LEMD1: variants seen among roughly 807,000 people sequenced by gnomAD.
LEMD1 encodes LEM domain-containing protein 1.
A neutral mutation model predicts 17.4 loss-of-function variants in LEMD1; 18 were observed. That is an observed-to-expected ratio of 1.04 (90% CI 0.72 to 1.54). The LOEUF is 1.54. LEMD1 is among the 40% of genes most tolerant of loss of function. The pLI, the probability that LEMD1 is intolerant of heterozygous loss-of-function variation, is 0.00. For synonymous variants in LEMD1, 88 were observed against 77.8 expected, an observed-to-expected ratio of 1.13 and a Z score of -0.69; for missense variants, 195 against 210.4, an observed-to-expected ratio of 0.93 and a Z score of 0.45.
chr1:205,448,289 C>T lies in LEMD1; in HGVS notation c.-39+1579G>A. On this transcript the variant is annotated intron_variant, in intron 1 of 3. Coordinates refer to the LEMD1 transcript ENST00000367154. This position sits in a 1 kb window ranked among gnomAD's most constrained non-coding sequence, Gnocchi z 4.7. The stretch of plus-strand genomic sequence containing the variant: ...GAACCTGGTCCCATGGGAGGTGCAG[C>T]TGCGCAGGAGAAGGAGCTCGCCCCT... The T allele has an allele frequency of 1.9e-6, 1 of 523,800 alleles. No homozygotes were observed. The highest frequency in any genetic ancestry group is 4.0e-6 in the Non-Finnish European group (1 of 251,306). 32.4% of individuals were successfully genotyped at this position (523,800 alleles called of 1,614,324 possible).
In LEMD1 at chr1:205,448,851, G is replaced by T. The variant is rs1666447957; in HGVS notation, c.-39+1017C>A. ...TTCTAGTCCAGCCACTGGAAGCACA[G>T]AGGGCAAAGGAGGGTCTGGGTAAAG... On this transcript the variant is annotated intron_variant, in intron 1 of 3. Coordinates refer to the LEMD1 transcript ENST00000367154. The surrounding 1 kb of genome is among the most constrained non-coding windows in gnomAD (Gnocchi z 4.7). 6.6e-6 allele frequency among the ~76,000 whole-genome samples: 1 copy of T among 152,158 alleles called. No individual in the cohort carries two copies. The highest frequency in any genetic ancestry group is 6.5e-5 in the Admixed American group (1 of 15,286).
intron 1 of LEMD1, among the ~76,000 whole-genome samples, chr1:205,427,831 G>A (rs1234953995): frequency 6.6e-6 from 1 of 152,262 alleles, no homozygotes; most frequent in Non-Finnish European, 1.5e-5. Context: ...GTCTGTACAT[G>A]CAGGAGGATC....
chr1:205,411,671 A>AAAG (rs952549403), intron 4 of LEMD1, among the ~76,000 whole-genome samples: 11 of 146,168 alleles, frequency 7.5e-5, no homozygotes, highest in Admixed American at 2.7e-4. Flanking sequence ...AGAAAGAAAG[A>AAAG]AAAGAAAGAA....
chr1:205,444,362 C>T (rs1666348590), intron 1 of LEMD1, among the ~76,000 whole-genome samples: 1 of 152,028 alleles, frequency 6.6e-6, no homozygotes, highest in African/African-American at 2.4e-5. Context: ...GGTCTGGGGG[C>T]ACAGACGATG....
chr1:205,421,042 G>A (rs1296906587), intron 1 of LEMD1, among the ~76,000 whole-genome samples: 1 of 150,344 alleles, frequency 6.7e-6, no homozygotes, highest in African/African-American at 2.4e-5. Context: ...TTCAGTTATT[G>A]CAAACAGTAG....
At chr1:205,433,179 T>C (rs1666151243) in intron 1 of LEMD1, among the ~76,000 whole-genome samples, 1 of 152,164 alleles carries the variant, frequency 6.6e-6, no homozygotes. Flanking sequence ...TATTATTAAA[T>C]TGGCCAGGCA....
chr1:205,394,369 TA>T (rs1227411022), intron 4 of LEMD1, among the ~76,000 whole-genome samples: 3 of 33,306 alleles, frequency 9.0e-5, no homozygotes, highest in African/African-American at 3.3e-4. Flanking sequence ...TTTGTTTATT[TA>T]ATTAATTAAT....
At chr1:205,424,657 A>T (rs962116695), upstream of LEMD1, among the ~76,000 whole-genome samples, 2 of 152,194 alleles carry the variant, frequency 1.3e-5, no homozygotes, top group East Asian at 1.9e-4. Flanking sequence ...TGAAGCTGAG[A>T]CTTCGAGGAT....
intron 4 of LEMD1, among the ~76,000 whole-genome samples, chr1:205,392,583 A>G (rs1251251016): frequency 6.6e-6 from 1 of 152,012 alleles, no homozygotes; most frequent in African/African-American, 2.4e-5. Context: ...CAACCAAAAT[A>G]TGGACTCAAT....
chr1:205,396,426 C>T (rs1664594405), intron 4 of LEMD1, among the ~76,000 whole-genome samples: 1 of 152,138 alleles, frequency 6.6e-6, no homozygotes, highest in Non-Finnish European at 1.5e-5. Context: ...ATTCAGCAGT[C>T]CTACTTGTAG....
chr1:205,418,239 T>G (rs1665787871), intron 3 of LEMD1, among the ~76,000 whole-genome samples: 1 of 152,210 alleles, frequency 6.6e-6, no homozygotes, highest in Non-Finnish European at 1.5e-5. Context: ...GTCATTCTAC[T>G]GTGGCTCATA....
intron 4 of LEMD1, among the ~76,000 whole-genome samples, chr1:205,410,500 C>T (rs1240865607): frequency 6.6e-6 from 1 of 152,046 alleles, no homozygotes; most frequent in Non-Finnish European, 1.5e-5. Context: ...GTATATGGTA[C>T]AGAATAGGAA....
At chr1:205,392,395 A>G (rs1664385480) in intron 4 of LEMD1, among the ~76,000 whole-genome samples, 1 of 150,476 alleles carries the variant, frequency 6.6e-6, no homozygotes, top group Non-Finnish European at 1.5e-5. Flanking sequence ...TAAAAAAATT[A>G]GCCAGGCATG....
At chr1:205,423,745 C>T (rs952797096), upstream of LEMD1, among the ~76,000 whole-genome samples, 4 of 152,196 alleles carry the variant, frequency 2.6e-5, no homozygotes, top group African/African-American at 9.7e-5. Context: ...ACACCATCTC[C>T]CTCAGTTTTA....
At chr1:205,416,997 A>G (rs1035511805) in intron 3 of LEMD1, among the ~76,000 whole-genome samples, 8 of 152,186 alleles carry the variant, frequency 5.3e-5, no homozygotes, top group East Asian at 1.9e-4. Flanking sequence ...CACCGCCACT[A>G]CAAGCCCATT....
At chr1:205,389,134 C>T (rs1360843088) in intron 4 of LEMD1, among the ~76,000 whole-genome samples, 2 of 147,502 alleles carry the variant, frequency 1.4e-5, no homozygotes, top group South Asian at 2.2e-4. Flanking sequence ...CTGCAACCTC[C>T]GCTTCCCGGG....
At position 205,381,846 on chromosome 1, in the gene LEMD1, T is replaced by C. The variant is rs746876121; in HGVS notation, c.358A>G (p.Arg120Gly). ...TATGTGATTCTGGTGCTTGGTGCTCTTGCAGCCCACCTGTGAAAACATCAG... is the reference window on the plus strand; with the variant it reads ...TATGTGATTCTGGTGCTTGGTGCTCCTGCAGCCCACCTGTGAAAACATCAG... ...KPSKGRRWAA[R>G]APSTRITYGT... The change falls in exon 6 of 6, where the codon AGA (arginine) becomes GGA (glycine). Residue 120 changes from arginine to glycine, a missense_variant. Transcript: ENST00000367153. The C allele has an allele frequency of 1.9e-5, 31 of 1,614,144 alleles. No homozygotes were observed. The highest frequency in any genetic ancestry group is 2.4e-5 in the Non-Finnish European group (28 of 1,180,028).
At chr1:205,403,108 T>A (rs1664926501) in intron 4 of LEMD1, among the ~76,000 whole-genome samples, 1 of 152,084 alleles carries the variant, frequency 6.6e-6, no homozygotes, top group Non-Finnish European at 1.5e-5. Flanking sequence ...TGTGCCAATA[T>A]TTTATTGAGG....
intron 1 of LEMD1, chr1:205,434,913 T>C (rs1403914700): frequency 6.6e-6 from 1 of 152,238 alleles, no homozygotes; most frequent in Non-Finnish European, 1.5e-5. Context: ...ATTACAGCAA[T>C]TAACAGAGCA....
Sources: allele counts gnomAD v4.1 joint callset (sites outside exome capture counted in the v4.1 genomes callset), GRCh38; gene constraint gnomAD v4.1.1; non-coding constraint Gnocchi (gnomAD v3.1); transcripts MANE v1.5; gene names NCBI Gene and HGNC (gene_info 2026-07-23, HGNC 2026-07-21).